The following NEGR1 variants were observed in gnomAD, a reference collection of about 807,000 sequenced individuals.
The protein encoded by NEGR1 is IgLON family member 4.
In NEGR1, 10 loss-of-function variants were observed where a neutral mutation model predicts 40.9. The observed-to-expected ratio is 0.24, with a 90% CI of 0.15 to 0.42. The LOEUF (loss-of-function observed/expected upper bound fraction) is 0.42. NEGR1 is among the 10% of genes least tolerant of loss of function. The probability of loss-of-function intolerance (pLI) is 1.00; values close to 1 mark genes in which losing one functional copy is unlikely to be tolerated. For missense variants in NEGR1, 352 were observed against 438.9 expected (o/e 0.80, Z 1.77); for synonymous variants, 185 against 166.8 (o/e 1.11, Z -0.84).
At chr1:72,083,719 AT>A (rs199789178) in intron 1 of NEGR1, among the ~76,000 whole-genome samples, 1 of 151,776 alleles carries the variant, frequency 6.6e-6, no homozygotes, top group Non-Finnish European at 1.5e-5. Flanking sequence ...CCTAGGTTTG[AT>A]TTTTTTTAAT....
intron 6 of NEGR1, among the ~76,000 whole-genome samples, chr1:71,572,779 T>C (rs1648847569): frequency 6.6e-6 from 1 of 152,242 alleles, no homozygotes; most frequent in Non-Finnish European, 1.5e-5. Context: ...CATATCATTG[T>C]GCTAGACACT....
At position 71,673,603 on chromosome 1, in the gene NEGR1, T is replaced by C. The variant is rs576196521; in HGVS notation, c.667+24405A>G. ...ACATTATTTCTCTTAAGGGAGAATA[T>C]TTTTTCCCTTAAATATTGAAAGTAA... On this transcript the variant is annotated intron_variant, in intron 4 of 6. Transcript: ENST00000357731. 2.0e-5 allele frequency among the ~76,000 whole-genome samples: 3 copies of C among 152,190 alleles called. No individual in the cohort carries two copies. In the South Asian group the frequency reaches 6.2e-4, roughly 32 times the overall value.
chr1:71,799,045 TG>T (rs1398484603), intron 2 of NEGR1, among the ~76,000 whole-genome samples: 1 of 148,568 alleles, frequency 6.7e-6, no homozygotes, highest in African/African-American at 2.5e-5. Context: ...TATTGAATGG[TG>T]TTTTTTTTTT....
intron 1 of NEGR1, among the ~76,000 whole-genome samples, chr1:72,179,886 G>T (rs543696403): frequency 5.9e-5 from 9 of 151,868 alleles, no homozygotes; most frequent in African/African-American, 1.9e-4. Context: ...CATAGAAGAA[G>T]AAATATATAA....
chr1:71,809,148 C>G (rs1463066527), intron 2 of NEGR1, among the ~76,000 whole-genome samples: 1 of 152,128 alleles, frequency 6.6e-6, no homozygotes, highest in Non-Finnish European at 1.5e-5. Context: ...GGCTATCCCT[C>G]CATTCATTGT....
At chr1:72,025,535 C>A (rs1340660354) in intron 1 of NEGR1, among the ~76,000 whole-genome samples, 1 of 152,026 alleles carries the variant, frequency 6.6e-6, no homozygotes, top group Non-Finnish European at 1.5e-5. Context: ...CAAGGGTTAC[C>A]AAAATACTCT....
In NEGR1 at chr1:71,406,692, A is replaced by C. The variant is rs1466224092; in HGVS notation, c.*754T>G. 1 of 152,556 alleles carries C rather than the reference A, an allele frequency of 6.6e-6. No homozygotes were observed. Among genetic ancestry groups the C allele is most frequent in the African/African-American group, 2.4e-5 (1 of 41,466 alleles). The allele number at this position is 152,556 out of a possible 1,614,324, so 9.5% of individuals were successfully genotyped here. ...TGTCAGTGCAGGAAGAGATTTTTACAGTCCAATAGCTCCTTCGTTACTTAG... is the reference window on the plus strand; with the variant it reads ...TGTCAGTGCAGGAAGAGATTTTTACCGTCCAATAGCTCCTTCGTTACTTAG... On this transcript the variant is annotated 3_prime_UTR_variant, in exon 7 of 7. Transcript: ENST00000357731.
chr1:72,194,595 C>G (rs1246371106), intron 1 of NEGR1, among the ~76,000 whole-genome samples: 2 of 151,972 alleles, frequency 1.3e-5, no homozygotes, highest in Non-Finnish European at 2.9e-5. Context: ...AGCTCCTTAA[C>G]CTCACAGTAA....
intron 4 of NEGR1, among the ~76,000 whole-genome samples, chr1:71,661,090 C>T (rs1474613513): frequency 6.6e-6 from 1 of 152,136 alleles, no homozygotes; most frequent in East Asian, 1.9e-4. Flanking sequence ...TTTCTTTATC[C>T]AGTCTAACAT....
At chr1:71,568,053 C>T (rs189049670) in intron 6 of NEGR1, among the ~76,000 whole-genome samples, 643 of 152,230 alleles carry the variant, frequency 4.2e-3, no homozygotes, top group Non-Finnish European at 6.4e-3. Context: ...CTAAGACAAT[C>T]AACAGATGCA....
At chr1:71,899,247 G>T (rs1052128918) in intron 2 of NEGR1, among the ~76,000 whole-genome samples, 32 of 151,828 alleles carry the variant, frequency 2.1e-4, no homozygotes, top group African/African-American at 6.1e-4. Context: ...CCAGAACGCA[G>T]ATCTTAGATT....
chr1:71,735,200 G>T (rs1459792), intron 3 of NEGR1, among the ~76,000 whole-genome samples: 2 of 151,830 alleles, frequency 1.3e-5, no homozygotes, highest in African/African-American at 4.8e-5. Flanking sequence ...ATGCAGCCAG[G>T]TTTAGTATTC....
chr1:71,537,841 C>A (rs1413099781), intron 6 of NEGR1, among the ~76,000 whole-genome samples: 1 of 151,632 alleles, frequency 6.6e-6, no homozygotes, highest in South Asian at 2.1e-4. Context: ...AACTTGTAAG[C>A]AGTGAAATAT....
chr1:72,079,643 T>C (rs535359044), intron 1 of NEGR1, among the ~76,000 whole-genome samples: 32 of 152,234 alleles, frequency 2.1e-4, no homozygotes, highest in African/African-American at 7.7e-4. Context: ...TTCTGAATTA[T>C]TTTTAAATGA....
intron 1 of NEGR1, among the ~76,000 whole-genome samples, chr1:71,946,057 T>G (rs10889937): frequency 0.066 from 10,014 of 151,936 alleles, 660 homozygotes; most frequent in East Asian, 0.22. Flanking sequence ...TTCTTTTTTT[T>G]TGTGTGGGAG....
At chr1:71,776,934 CA>C (rs1277107044) in intron 2 of NEGR1, among the ~76,000 whole-genome samples, 1 of 152,122 alleles carries the variant, frequency 6.6e-6, no homozygotes, top group African/African-American at 2.4e-5. Flanking sequence ...CTGGTTGAAA[CA>C]GATCACTTCA....
intron 6 of NEGR1, among the ~76,000 whole-genome samples, chr1:71,435,386 TA>T (rs1252179411): frequency 1.3e-5 from 2 of 151,954 alleles, no homozygotes; most frequent in Non-Finnish European, 2.9e-5. Context: ...AGAGTTGGCA[TA>T]AAAAAATGCC....
intron 2 of NEGR1, among the ~76,000 whole-genome samples, chr1:71,906,541 A>G (rs137925553): frequency 0.016 from 2,355 of 151,318 alleles, 47 homozygotes; most frequent in South Asian, 0.1. Flanking sequence ...TTTCTCATTA[A>G]CTCTTATAAT....
chr1:71,643,022 G>C (rs1271011018), intron 4 of NEGR1, among the ~76,000 whole-genome samples: 3 of 151,878 alleles, frequency 2.0e-5, no homozygotes, highest in African/African-American at 4.8e-5. Context: ...CCAGACAAAG[G>C]AGTAAAACCA....
Sources: gnomAD v4.1 joint callset for allele counts (sites outside exome capture counted in the v4.1 genomes callset) on GRCh38, gnomAD v4.1.1 for gene constraint, MANE v1.5 for transcripts, NCBI Gene and HGNC (gene_info 2026-07-23, HGNC 2026-07-21) for gene names.